The following EDARADD variants were observed in gnomAD, a reference collection of about 807,000 sequenced individuals.
The protein encoded by EDARADD is ectodysplasin-A receptor-associated adapter protein.
A neutral mutation model predicts 25.6 loss-of-function variants in EDARADD; 20 were observed. That is an observed-to-expected ratio of 0.78 (90% CI 0.55 to 1.14). The LOEUF is 1.14. Ranked by LOEUF, EDARADD falls within the 50% of genes most tolerant of loss-of-function variation. The pLI is 0.00. For synonymous variants in EDARADD, 86 were observed against 94.4 expected (o/e 0.91, Z 0.52); for missense variants, 225 against 270.1 (o/e 0.83, Z 1.17).
chr1:236,423,081 T>G (rs1362481060), intron 3 of EDARADD, among the ~76,000 whole-genome samples: 1 of 152,130 alleles, frequency 6.6e-6, no homozygotes, highest in Non-Finnish European at 1.5e-5. Flanking sequence ...TCAGGAGGAA[T>G]GAGAGGAGGT....
At chr1:236,363,742 T>A (rs1368696102) in intron 3 of EDARADD, among the ~76,000 whole-genome samples, 3 of 152,036 alleles carry the variant, frequency 2.0e-5, no homozygotes, top group Non-Finnish European at 4.4e-5. Context: ...AAGGAGTAGA[T>A]CCAGCTCCCC....
chr1:236,444,065 C>T (rs1658470389), intron 4 of EDARADD, among the ~76,000 whole-genome samples: 1 of 152,138 alleles, frequency 6.6e-6, no homozygotes, highest in South Asian at 2.1e-4. Flanking sequence ...AAGACTACAA[C>T]TTGCTGAAGG....
chr1:236,463,253 A>T (rs570834551), intron 4 of EDARADD, among the ~76,000 whole-genome samples: 108 of 152,282 alleles, frequency 7.1e-4, no homozygotes, highest in African/African-American at 2.5e-3. Context: ...CGTTTGAGAG[A>T]ACACATTTTA....
intron 3 of EDARADD, among the ~76,000 whole-genome samples, chr1:236,381,471 G>C (rs1015080670): frequency 3.9e-5 from 6 of 152,000 alleles, no homozygotes; most frequent in Admixed American, 3.9e-4. Flanking sequence ...ACATGTCAGA[G>C]TGTATTTTTA....
intron 4 of EDARADD, among the ~76,000 whole-genome samples, chr1:236,430,581 G>T (rs1452963275): frequency 1.3e-5 from 2 of 151,762 alleles, no homozygotes; most frequent in Non-Finnish European, 2.9e-5. Flanking sequence ...ATACCTCTTT[G>T]AGATTTTTAA....
At chr1:236,427,483 G>A (rs745583160) in intron 4 of EDARADD, 33 bp downstream of exon 4, 1 of 1,582,940 alleles carries the variant, frequency 6.3e-7, no homozygotes, top group African/African-American at 1.4e-5. Context: ...TTTACCCTTA[G>A]GTACATGATA....
rs34263861 is a variant in EDARADD, at chr1:236,357,878, A to ATTT, written c.-6+7049_-6+7051dup. 4.1e-4 allele frequency among the ~76,000 whole-genome samples: 60 copies of ATTT among 147,454 alleles called. 1 individual carries two copies. The highest frequency in any genetic ancestry group is 1.1e-3 in the South Asian group (5 of 4,670). On this transcript the variant is annotated intron_variant, in intron 3 of 7. Coordinates refer to the EDARADD transcript ENST00000439430. ...AAGGAAAGTAACTTTATTTTATTTA[A>ATTT]TTTTTTTTTTTTGAGATGGAGTTTC... is the stretch of plus-strand genomic sequence containing the variant.
chr1:236,353,744 T>A (rs1212813739), intron 3 of EDARADD, among the ~76,000 whole-genome samples: 1 of 151,874 alleles, frequency 6.6e-6, no homozygotes, highest in Non-Finnish European at 1.5e-5. Context: ...ATTTGGTAGT[T>A]ACTCGACTGT....
intron 3 of EDARADD, among the ~76,000 whole-genome samples, chr1:236,361,378 C>T (rs188773407): frequency 6.9e-4 from 105 of 151,916 alleles, no homozygotes; most frequent in African/African-American, 2.1e-3. Flanking sequence ...TGCAGTGGCG[C>T]GATCTCGGCT....
intron 5 of EDARADD, among the ~76,000 whole-genome samples, chr1:236,480,096 C>CATAT (rs72215388): frequency 0.087 from 6,562 of 75,826 alleles, 517 homozygotes; most frequent in African/African-American, 0.13. Flanking sequence ...TTAAGTATGC[C>CATAT]ATATATATAT....
intron 2 of EDARADD, among the ~76,000 whole-genome samples, chr1:236,410,633 G>A (rs1657441671): frequency 6.6e-6 from 1 of 152,160 alleles, no homozygotes; most frequent in South Asian, 2.1e-4. Context: ...GTCAGGCAGC[G>A]TGTGTGATGG....
At chr1:236,433,456 A>G (rs1571932097) in intron 4 of EDARADD, among the ~76,000 whole-genome samples, 1 of 151,364 alleles carries the variant, frequency 6.6e-6, no homozygotes, top group African/African-American at 2.4e-5. Flanking sequence ...GATCACAGGC[A>G]CCCACCACCA....
At chr1:236,399,139 G>A (rs4659669) in intron 1 of EDARADD, among the ~76,000 whole-genome samples, 1 of 152,238 alleles carries the variant, frequency 6.6e-6, no homozygotes, top group South Asian at 2.1e-4. Context: ...TATAACAAAA[G>A]TATGTATATG....
chr1:236,484,721 A>T lies in EDARADD; in HGVS notation c.*2072A>T, dbSNP rs1659784317. On this transcript the variant is annotated 3_prime_UTR_variant, in exon 6 of 6. Coordinates refer to ENST00000334232, the MANE Select transcript of EDARADD (RefSeq NM_145861.4). This position sits in a 1 kb window ranked among gnomAD's most constrained non-coding sequence, Gnocchi z 4.1. Reference sequence around the variant, plus strand: ...GAGTCCGTCCCAGAAAAAAAAAAAAAAAAAAAGAACTTCTACAGAAGCCAA... The same window carrying T: ...GAGTCCGTCCCAGAAAAAAAAAAAATAAAAAAGAACTTCTACAGAAGCCAA... The T allele has an allele frequency of 3.1e-6, 1 of 318,518 alleles. No individual in the cohort carries two copies. Among genetic ancestry groups the T allele is most frequent in the Admixed American group, 4.6e-5 (1 of 21,870 alleles). The allele number at this position is 318,518 out of a possible 1,614,324, so 19.7% of individuals were successfully genotyped here.
intron 3 of EDARADD, among the ~76,000 whole-genome samples, chr1:236,426,934 T>C (rs1454296010): frequency 6.6e-6 from 1 of 152,054 alleles, no homozygotes; most frequent in East Asian, 1.9e-4. Flanking sequence ...CAGGCTGGAG[T>C]GCAATGGCGT....
intron 3 of EDARADD, among the ~76,000 whole-genome samples, chr1:236,423,871 C>T (rs906432136): frequency 2.6e-5 from 4 of 151,982 alleles, no homozygotes; most frequent in African/African-American, 9.7e-5. Context: ...TTTGCGAGGC[C>T]GAGGTGGGCA....
In EDARADD at chr1:236,461,137, C is replaced by T. The variant is rs372724812; in HGVS notation, c.220-7094C>T. ...GTGCCCAGCCTGAAAAAGTTTTGAA[C>T]GGTCTAAATCCATATGCTGTGAATC... On this transcript the variant is annotated intron_variant, in intron 4 of 5. Coordinates refer to ENST00000334232, the MANE Select transcript of EDARADD (RefSeq NM_145861.4). Among the ~76,000 whole-genome samples, 12 of 152,080 alleles carry T rather than the reference C, an allele frequency of 7.9e-5. 1 individual carries two copies. The highest frequency in any genetic ancestry group is 3.9e-4 in the East Asian group (2 of 5,190).
chr1:236,348,543 T>C (rs1164203493), intron 1 of EDARADD, among the ~76,000 whole-genome samples: 2 of 152,218 alleles, frequency 1.3e-5, no homozygotes, highest in Non-Finnish European at 2.9e-5. Context: ...GCCCTCACCC[T>C]GCACAGCCTT....
At chr1:236,370,129 C>T (rs770771759) in intron 3 of EDARADD, among the ~76,000 whole-genome samples, 9 of 151,838 alleles carry the variant, frequency 5.9e-5, no homozygotes, top group Admixed American at 1.3e-4. Flanking sequence ...TTCATCAAGA[C>T]GGGGGAATTG....
Sources: gnomAD v4.1 joint callset for allele counts (sites outside exome capture counted in the v4.1 genomes callset) on GRCh38, gnomAD v4.1.1 for gene constraint, Gnocchi (gnomAD v3.1) non-coding constraint, MANE v1.5 for transcripts, NCBI Gene and HGNC (gene_info 2026-07-23, HGNC 2026-07-21) for gene names.